SMAD2: variants seen among roughly 807,000 people sequenced by gnomAD.
SMAD2 encodes SMAD family member 2, also known as MAD homolog 2.
SMAD2 carries 8 observed loss-of-function variants against 64.4 expected under a neutral mutation model. The observed-to-expected ratio is 0.12, with a 90% CI of 0.07 to 0.22. SMAD2 has a LOEUF of 0.22. SMAD2 is among the 10% of genes least tolerant of loss of function. SMAD2 has a pLI of 1.00. For missense variants in SMAD2, 289 were observed against 561.2 expected (o/e 0.51, Z 4.90); for synonymous variants, 203 against 195.8 (o/e 1.04, Z -0.31).
In SMAD2 at chr18:47,824,689, A is replaced by T. The variant is rs769998917; in HGVS notation, c.*17138T>A. ...TTTATTTGGGGATATCTGCTTCCAAACACACTAAAGTACAGTATACTCAAT... is the reference window on the plus strand; with the variant it reads ...TTTATTTGGGGATATCTGCTTCCAATCACACTAAAGTACAGTATACTCAAT... On this transcript the variant is annotated 3_prime_UTR_variant, in exon 11 of 11. Coordinates refer to ENST00000262160, the MANE Select transcript of SMAD2 (RefSeq NM_005901.6). The T allele has an allele frequency of 6.6e-6, 1 of 152,222 alleles. No homozygotes were observed. The highest frequency in any genetic ancestry group is 1.5e-5 in the Non-Finnish European group (1 of 68,034). 9.4% of individuals were successfully genotyped at this position (152,222 alleles called of 1,614,324 possible). A position where few individuals can be genotyped will look rare whatever the true frequency, so the allele number is the denominator to read the frequency against.
rs189367460 is a variant in SMAD2 at position 47,837,685 on chromosome 18, T to A, written c.*4142A>T. 1 of 233,060 alleles carries A rather than the reference T, an allele frequency of 4.3e-6. No individual in the cohort carries two copies. The highest frequency in any genetic ancestry group is 5.6e-5 in the Admixed American group (1 of 17,780). The allele number at this position is 233,060 out of a possible 1,614,324, so 14.4% of individuals were successfully genotyped here. On this transcript the variant is annotated 3_prime_UTR_variant, in exon 11 of 11. Coordinates refer to ENST00000262160, the MANE Select transcript of SMAD2 (RefSeq NM_005901.6). ...AATTCAGGCAATGAATATAATAGAT[T>A]TAGCAAAGTAAAGCATATGAAAGGA...
chr18:47,881,068 G>C (rs191179752), intron 2 of SMAD2, among the ~76,000 whole-genome samples: 35 of 138,044 alleles, frequency 2.5e-4, no homozygotes, highest in African/African-American at 8.6e-4. Context: ...ACTTTGCATG[G>C]ACAAAAGCTG....
At chr18:47,846,349 A>T (rs1240477061) in intron 8 of SMAD2, among the ~76,000 whole-genome samples, 1 of 152,156 alleles carries the variant, frequency 6.6e-6, no homozygotes, top group Non-Finnish European at 1.5e-5. Flanking sequence ...GAGAGATCAC[A>T]GATGCAAAAT....
At chr18:47,903,705 T>C (rs902682412) in intron 1 of SMAD2, among the ~76,000 whole-genome samples, 1 of 151,966 alleles carries the variant, frequency 6.6e-6, no homozygotes, top group Non-Finnish European at 1.5e-5. Context: ...AAAAACTTCA[T>C]CACAGATATC....
intron 6 of SMAD2, among the ~76,000 whole-genome samples, chr18:47,864,350 T>G (rs2031404590): frequency 6.6e-6 from 1 of 152,122 alleles, no homozygotes. Context: ...TAATTTAGAT[T>G]ATCATAACCA....
At chr18:47,927,916 A>C (rs2034832222) in intron 1 of SMAD2, among the ~76,000 whole-genome samples, 1 of 152,198 alleles carries the variant, frequency 6.6e-6, no homozygotes, top group Non-Finnish European at 1.5e-5. Flanking sequence ...AATAAAATAA[A>C]ATATATAAAT....
chr18:47,845,311 A>T, intron 10 of SMAD2, 29 bp downstream of exon 10: 1 of 1,604,614 alleles, frequency 6.2e-7, no homozygotes, highest in Non-Finnish European at 8.5e-7. Context: ...ACACTGTGGA[A>T]ATTTAAGAAC....
Position 47,841,722 on chromosome 18 carries a change from T to C in SMAD2, c.*105A>G. ...TGATGAGACCTCAAGTGCTGTTTTC[T>C]CTCTTGAACTTTTGGATAGTAAACA... On this transcript the variant is annotated 3_prime_UTR_variant, in exon 11 of 11. Transcript: ENST00000262160. 1 of 1,346,222 alleles carries C rather than the reference T, an allele frequency of 7.4e-7. No individual in the cohort carries two copies. Among genetic ancestry groups the C allele is most frequent in the Non-Finnish European group, 1.1e-6 (1 of 945,328 alleles). 83.4% of individuals were successfully genotyped at this position (1,346,222 alleles called of 1,614,324 possible). A position where few individuals can be genotyped will look rare whatever the true frequency, so the allele number is the denominator to read the frequency against.
intron 1 of SMAD2, among the ~76,000 whole-genome samples, chr18:47,928,823 CACATT>C (rs2144562328): frequency 6.6e-6 from 1 of 152,310 alleles, no homozygotes; most frequent in African/African-American, 2.4e-5. Flanking sequence ...CGTTTCCAAT[CACATT>C]ACATTAATTA....
intron 6 of SMAD2, 46 bp from the exon 7 acceptor site, chr18:47,851,373 C>A: frequency 7.9e-7 from 1 of 1,267,898 alleles, no homozygotes; most frequent in Non-Finnish European, 1.2e-6. Context: ...TCCAGAACTT[C>A]TGATCAAGTA....
At chr18:47,863,064 CT>C (rs901607841) in intron 6 of SMAD2, among the ~76,000 whole-genome samples, 2 of 151,756 alleles carry the variant, frequency 1.3e-5, no homozygotes, top group African/African-American at 4.8e-5. Flanking sequence ...TCTGGTTGCC[CT>C]TTTAAAAAAT....
chr18:47,820,322 T>C lies in SMAD2; in HGVS notation c.*21505A>G, dbSNP rs888347340. Reference sequence around the variant, plus strand: ...GGTTTTCACTAAAAATTAAGGTTAATAAGTTAAAATTTGAAAATACACAAT... The same window carrying C: ...GGTTTTCACTAAAAATTAAGGTTAACAAGTTAAAATTTGAAAATACACAAT... On this transcript the variant is annotated 3_prime_UTR_variant, in exon 11 of 11. Transcript: ENST00000262160. The C allele has an allele frequency of 2.0e-5, 3 of 152,200 alleles. No individual in the cohort carries two copies. Among genetic ancestry groups the C allele is most frequent in the African/African-American group, 7.2e-5 (3 of 41,460 alleles). 9.4% of individuals were successfully genotyped at this position (152,200 alleles called of 1,614,324 possible).
At chr18:47,843,261 G>C (rs1914147534) in intron 10 of SMAD2, among the ~76,000 whole-genome samples, 1 of 152,172 alleles carries the variant, frequency 6.6e-6, no homozygotes, top group African/African-American at 2.4e-5. Context: ...CAGCACTTCT[G>C]TTCCCCTGGG....
At position 47,821,760 on chromosome 18, in the gene SMAD2, T is replaced by G. The variant is rs530302587; in HGVS notation, c.*20067A>C. ...ATCAAGATAAATTCTTGTGTTTAAG[T>G]TTTTTTTTTGCTTGGGAAAAATGAA... On this transcript the variant is annotated 3_prime_UTR_variant, in exon 11 of 11. Coordinates refer to ENST00000262160, the MANE Select transcript of SMAD2 (RefSeq NM_005901.6). 3 of 148,736 alleles carry G rather than the reference T, an allele frequency of 2.0e-5. No individual in the cohort carries two copies. The highest frequency in any genetic ancestry group is 4.2e-4 in the South Asian group (2 of 4,724). 9.2% of individuals were successfully genotyped at this position (148,736 alleles called of 1,614,324 possible). A position where few individuals can be genotyped will look rare whatever the true frequency, so the allele number is the denominator to read the frequency against.
intron 1 of SMAD2, among the ~76,000 whole-genome samples, chr18:47,903,417 C>A (rs2033769249): frequency 6.6e-6 from 1 of 152,036 alleles, no homozygotes; most frequent in African/African-American, 2.4e-5. Context: ...GACAGCTGAG[C>A]TATAGAGAAA....
At position 47,869,337 on chromosome 18, in the gene SMAD2, T is replaced by C; in HGVS notation, c.426A>G (p.Glu142=). The stretch of plus-strand genomic sequence containing the variant: ...ATTCGCAGTTTTCAATTGCCTTGAG[T>C]TCATGATGACTGTGAAGATCAGGCC... ...WRWPDLHSHH[E]LKAIENCEYA... Residue 142 remains glutamate (E), a synonymous_variant, in exon 4 of 11, where the codon GAA becomes GAG. Transcript: ENST00000262160. The C allele has an allele frequency of 6.2e-7, 1 of 1,613,548 alleles. No individual in the cohort carries two copies. The highest frequency in any genetic ancestry group is 8.5e-7 in the Non-Finnish European group (1 of 1,179,648).
At chr18:47,891,026 C>T (rs1027931659) in intron 2 of SMAD2, among the ~76,000 whole-genome samples, 9 of 151,868 alleles carry the variant, frequency 5.9e-5, no homozygotes, top group South Asian at 2.1e-4. Context: ...AAGAGGTGGC[C>T]GGGCATGGTG....
chr18:47,926,886 T>C lies in SMAD2; in HGVS notation c.-54+3475A>G, dbSNP rs142943012. Reference sequence around the variant, plus strand: ...TTCTAGGTACTTGAATTGTGATCACTGAATAAGAGGAAGGGGTTAGTACTT... The same window carrying C: ...TTCTAGGTACTTGAATTGTGATCACCGAATAAGAGGAAGGGGTTAGTACTT... On this transcript the variant is annotated intron_variant, in intron 1 of 10. Transcript: ENST00000262160. Among the ~76,000 whole-genome samples the C allele has an allele frequency of 5.2e-3, 795 of 152,268 alleles. 7 individuals are homozygous for C. The highest frequency in any genetic ancestry group is 5.2e-3 in the Admixed American group (80 of 15,302).
Position 47,869,361 on chromosome 18 carries a change from C to T in SMAD2, c.402G>A (p.Trp134Ter), listed in dbSNP as rs1267982516. The T allele has an allele frequency of 6.2e-7, 1 of 1,613,086 alleles. No individual in the cohort carries two copies. Reference protein sequence around the residue: ...PHVIYCRLWRWPDLHSHHELK... With the variant: ...PHVIYCRLWR ...GTTCATGATGACTGTGAAGATCAGG[C>T]CAGCGCCATAATCGGCAATATATAA... Residue 134 changes from tryptophan (W) to a stop codon, truncating the protein, a stop_gained, in exon 4 of 11, where the codon TGG (tryptophan) becomes TGA (stop). Coordinates refer to ENST00000262160, the MANE Select transcript of SMAD2 (RefSeq NM_005901.6). LOFTEE classifies it high-confidence loss of function.
Sources: gnomAD v4.1 joint callset for allele counts (sites outside exome capture counted in the v4.1 genomes callset) on GRCh38, gnomAD v4.1.1 for gene constraint, MANE v1.5 for transcripts, NCBI Gene and HGNC (gene_info 2026-07-23, HGNC 2026-07-21) for gene names.